The following GRID2IP variants were observed in gnomAD, a reference collection of about 807,000 sequenced individuals.
GRID2IP encodes delphilin.
Under a neutral mutation model 114.3 loss-of-function variants are expected in GRID2IP, and 78 were observed. That is an observed-to-expected ratio of 0.68 (90% CI 0.57 to 0.82). GRID2IP has a LOEUF of 0.82. Ranked by LOEUF, GRID2IP falls within the 40% of genes least tolerant of loss-of-function variation. GRID2IP has a pLI of 0.00. For synonymous variants in GRID2IP, 809 were observed against 724.0 expected (o/e 1.12, Z -1.89); for missense variants, 1,727 against 1,678.5 (o/e 1.03, Z -0.51).
intron 11 of GRID2IP, among the ~76,000 whole-genome samples, chr7:6,510,011 G>A (rs989296434): frequency 3.9e-5 from 6 of 152,018 alleles, no homozygotes; most frequent in South Asian, 2.1e-4. Context: ...TATTTTTTTT[G>A]TTAGAGATGG....
At position 6,509,216 on chromosome 7, in the gene GRID2IP, G is replaced by T; in HGVS notation, c.1869C>A (p.Ser623Arg). 6.7e-7 allele frequency: 1 copy of T among 1,499,082 alleles called. No homozygotes were observed. Among genetic ancestry groups the T allele is most frequent in the South Asian group, 1.3e-5 (1 of 75,680 alleles). The allele number at this position is 1,499,082 out of a possible 1,614,324, so 92.9% of individuals were successfully genotyped here. A position where few individuals can be genotyped will look rare whatever the true frequency, so the allele number is the denominator to read the frequency against. ...PLCSGGLASP[S>R]SSESHPYASL... ...TGGCGTAGGGGTGGGACTCAGAGCT[G>T]CTGGGGGAGGCCAGACCCCCCGAAC... Residue 623 changes from serine (S) to arginine (R), a missense_variant, in exon 12 of 22, where the codon AGC becomes AGA. By Grantham distance (110) the Ser-to-Arg change is moderately radical. Coordinates refer to ENST00000457091, the MANE Select transcript of GRID2IP (RefSeq NM_001145118.2). The surrounding 1 kb of genome is among the most constrained non-coding windows in gnomAD (Gnocchi z 4.9).
Position 6,497,847 on chromosome 7 carries a change from T to TG in GRID2IP, c.3565-3dup, listed in dbSNP as rs1274614523. The TG allele has an allele frequency of 2.6e-6, 4 of 1,549,464 alleles. No individual in the cohort carries two copies. Among genetic ancestry groups the TG allele is most frequent in the Non-Finnish European group, 3.5e-6 (4 of 1,146,300 alleles). ...GGCCTGCAGGTCACTCAGCGCTCGC[T>TG]GGGGAGGGGGAACACAGAGGTAGGG... On this transcript the variant is annotated splice_polypyrimidine_tract_variant and splice_region_variant and intron_variant, in intron 21 of 21. Coordinates refer to ENST00000457091, the MANE Select transcript of GRID2IP (RefSeq NM_001145118.2).
intron 1 of GRID2IP, among the ~76,000 whole-genome samples, chr7:6,549,722 G>A (rs1206559745): frequency 6.6e-6 from 1 of 152,010 alleles, no homozygotes; most frequent in African/African-American, 2.4e-5. Context: ...CCAAGCTCAA[G>A]TAATCCTCCC....
At position 6,510,902 on chromosome 7, in the gene GRID2IP, C is replaced by T. The variant is rs376432182; in HGVS notation, c.1555+6G>A. The stretch of plus-strand genomic sequence containing the variant: ...ATTCATACCCTCCCCCTGACACCAG[C>T]CTTACCGCAGCTGAGGCCGGCCTCC... On this transcript the variant is annotated splice_donor_region_variant and intron_variant, in intron 9 of 21. Coordinates refer to ENST00000457091, the MANE Select transcript of GRID2IP (RefSeq NM_001145118.2). 9.0e-4 allele frequency: 1,392 copies of T among 1,550,072 alleles called. 11 individuals are homozygous for T. The highest frequency in any genetic ancestry group is 4.9e-3 in the South Asian group (414 of 84,024).
chr7:6,500,340 T>C (rs1302590188), intron 20 of GRID2IP, among the ~76,000 whole-genome samples: 3 of 152,086 alleles, frequency 2.0e-5, no homozygotes, highest in African/African-American at 7.2e-5. Context: ...GGTGGGCACC[T>C]GTAATCCCAG....
In GRID2IP at chr7:6,521,432, T is replaced by G; in HGVS notation, c.1081A>C (p.Ser361Arg). The G allele has an allele frequency of 6.5e-7, 1 of 1,542,996 alleles. No individual in the cohort carries two copies. Among genetic ancestry groups the G allele is most frequent in the African/African-American group, 1.4e-5 (1 of 72,950 alleles). Residue 361 changes from serine to arginine, a missense_variant, in exon 6 of 22, where the codon AGT becomes CGT. Transcript: ENST00000457091. The surrounding 1 kb of genome is among the most constrained non-coding windows in gnomAD (Gnocchi z 4.1). Reference protein sequence around the residue: ...VVEEGLVPFASDSDSLDSPNP... With the variant: ...VVEEGLVPFARDSDSLDSPNP... Reference sequence around the variant, plus strand: ...CAAGTGTCCATGGGGGTCTCACCACTGGCAAATGGGACGAGCCCTTCCTCC... The same window carrying G: ...CAAGTGTCCATGGGGGTCTCACCACGGGCAAATGGGACGAGCCCTTCCTCC...
Position 6,519,004 on chromosome 7 carries a change from T to C in GRID2IP, c.1268+1574A>G, listed in dbSNP as rs1459670723. On this transcript the variant is annotated intron_variant, in intron 7 of 21. Coordinates refer to ENST00000457091, the MANE Select transcript of GRID2IP (RefSeq NM_001145118.2). The surrounding 1 kb of genome is among the most constrained non-coding windows in gnomAD (Gnocchi z 4.1). The stretch of plus-strand genomic sequence containing the variant: ...TGTGATCTTGGCTCACTGCAATCTC[T>C]GCCTCCTGGGTTCAAGTGATTCTCC... Among the ~76,000 whole-genome samples, 2 of 151,844 alleles carry C rather than the reference T, an allele frequency of 1.3e-5. No homozygotes were observed. Among genetic ancestry groups the C allele is most frequent in the African/African-American group, 4.8e-5 (2 of 41,380 alleles).
At position 6,502,013 on chromosome 7, in the gene GRID2IP, G is replaced by C; in HGVS notation, c.3256C>G (p.Pro1086Ala). 1 of 1,551,306 alleles carries C rather than the reference G, an allele frequency of 6.4e-7. No individual in the cohort carries two copies. Among genetic ancestry groups the C allele is most frequent in the Non-Finnish European group, 8.7e-7 (1 of 1,146,914 alleles). Reference sequence around the variant, plus strand: ...CCTTTGGCAGCCAGGGGCACGGTGGGCAGGTCCTGAGCAAAGCCCAGGAGT... The same window carrying C: ...CCTTTGGCAGCCAGGGGCACGGTGGCCAGGTCCTGAGCAAAGCCCAGGAGT... Reference protein sequence around the residue: ...PELLGFAQDLPTVPLAAKVNQ... With the variant: ...PELLGFAQDLATVPLAAKVNQ... Residue 1086 changes from proline (P) to alanine (A), a missense_variant, in exon 19 of 22, where the codon CCC (proline) becomes GCC (alanine). Pro to Ala is a conservative substitution (Grantham distance 27, BLOSUM62 -1). Coordinates refer to ENST00000457091, the MANE Select transcript of GRID2IP (RefSeq NM_001145118.2).
rs1786279464 is a variant in GRID2IP at position 6,497,313 on chromosome 7, GC to G, written c.*460del. 6.5e-6 allele frequency: 1 copy of G among 154,234 alleles called. No individual in the cohort carries two copies. The highest frequency in any genetic ancestry group is 2.0e-4 in the South Asian group (1 of 4,964). The allele number at this position is 154,234 out of a possible 1,614,324, so 9.6% of individuals were successfully genotyped here. A position where few individuals can be genotyped will look rare whatever the true frequency, so the allele number is the denominator to read the frequency against. ...CAGGCTGGGCGTGCACATCCCCAGG[GC>G]CCCTCTACATCCGGCTTTCTGCCCT... On this transcript the variant is annotated 3_prime_UTR_variant, in exon 22 of 22. Coordinates refer to ENST00000457091, the MANE Select transcript of GRID2IP (RefSeq NM_001145118.2).
At position 6,527,033 on chromosome 7, in the gene GRID2IP, T is replaced by C. The variant is rs144604375; in HGVS notation, c.585-264A>G. On this transcript the variant is annotated intron_variant, in intron 2 of 21. Transcript: ENST00000457091. Reference sequence around the variant, plus strand: ...CCGTTCGGACCGTCCTCCATGACTCTGGCCACTGCAGGGCCCGAGCCCCTC... The same window carrying C: ...CCGTTCGGACCGTCCTCCATGACTCCGGCCACTGCAGGGCCCGAGCCCCTC... Among the ~76,000 whole-genome samples the C allele has an allele frequency of 2.2e-3, 340 of 152,216 alleles. 1 individual carries two copies. Among genetic ancestry groups the C allele is most frequent in the African/African-American group, 7.8e-3 (324 of 41,558 alleles).
chr7:6,498,567 CCTTA>C (rs1405641362), intron 20 of GRID2IP, among the ~76,000 whole-genome samples: 23 of 146,582 alleles, frequency 1.6e-4, no homozygotes, highest in South Asian at 2.2e-4. Flanking sequence ...ACTCTCTAGG[CCTTA>C]CTTTTTTTTT....
At chr7:6,543,844 C>G (rs1429559887) in intron 1 of GRID2IP, among the ~76,000 whole-genome samples, 1 of 152,016 alleles carries the variant, frequency 6.6e-6, no homozygotes, top group African/African-American at 2.4e-5. Context: ...CACTCTGTCG[C>G]TCTGTGCAGT....
At chr7:6,535,008 C>T (rs1054165445) in intron 2 of GRID2IP, among the ~76,000 whole-genome samples, 5 of 152,256 alleles carry the variant, frequency 3.3e-5, no homozygotes, top group African/African-American at 9.6e-5. Flanking sequence ...GCCTCAGCCT[C>T]CCGAGTAGCT....
chr7:6,535,737 G>A (rs949718060), intron 2 of GRID2IP, among the ~76,000 whole-genome samples: 2 of 151,890 alleles, frequency 1.3e-5, no homozygotes, highest in Admixed American at 1.3e-4. Context: ...TCCTCAATGT[G>A]GGGTCTTAGG....
intron 2 of GRID2IP, among the ~76,000 whole-genome samples, chr7:6,539,431 T>G (rs1055468521): frequency 2.6e-5 from 4 of 152,062 alleles, no homozygotes; most frequent in African/African-American, 4.8e-5. Context: ...CTGGCCAAGG[T>G]GGTGACTTTG....
Position 6,508,542 on chromosome 7 carries a change from T to C in GRID2IP, c.2128-141A>G. On this transcript the variant is annotated intron_variant, in intron 12 of 21. Transcript: ENST00000457091. This position sits in a 1 kb window ranked among gnomAD's most constrained non-coding sequence, Gnocchi z 5.6. ...TTAGCCTCAGGCTGTGAGGGACACC[T>C]GGGCTAAGGATAGGACTGTCTCACA... The C allele has an allele frequency of 1.4e-6, 2 of 1,379,612 alleles. No homozygotes were observed. The highest frequency in any genetic ancestry group is 1.9e-6 in the Non-Finnish European group (2 of 1,026,578). The allele number at this position is 1,379,612 out of a possible 1,614,324, so 85.5% of individuals were successfully genotyped here.
chr7:6,517,879 G>C (rs1583342920), intron 7 of GRID2IP, among the ~76,000 whole-genome samples: 2 of 151,278 alleles, frequency 1.3e-5, no homozygotes, highest in African/African-American at 4.9e-5. Context: ...CTCCAGCCTG[G>C]GCGACAGAGC....
intron 7 of GRID2IP, among the ~76,000 whole-genome samples, chr7:6,518,477 C>A (rs1253057821): frequency 6.6e-6 from 1 of 152,106 alleles, no homozygotes; most frequent in Non-Finnish European, 1.5e-5. Context: ...GTGGCTCACA[C>A]CTGTAATCCC....
In GRID2IP at chr7:6,509,648, C is replaced by A. The variant is rs1326308378; in HGVS notation, c.1772-335G>T. On this transcript the variant is annotated intron_variant, in intron 11 of 21. Transcript: ENST00000457091. The surrounding 1 kb of genome is among the most constrained non-coding windows in gnomAD (Gnocchi z 4.9). ...AGGGCCCAGAGCCACAGTCATGGAG[C>A]GTCTCGCGCACCCAGCAAGCCCTGA... 3.9e-5 allele frequency among the ~76,000 whole-genome samples: 6 copies of A among 152,166 alleles called. No homozygotes were observed. The highest frequency in any genetic ancestry group is 1.4e-4 in the African/African-American group (6 of 41,446).
Sources: gnomAD v4.1 joint callset for allele counts (sites outside exome capture counted in the v4.1 genomes callset) on GRCh38, gnomAD v4.1.1 for gene constraint, Gnocchi (gnomAD v3.1) non-coding constraint, MANE v1.5 for transcripts, NCBI Gene and HGNC (gene_info 2026-07-23, HGNC 2026-07-21) for gene names.